PXDNL: variants seen among roughly 807,000 people sequenced by gnomAD.
PXDNL encodes probable oxidoreductase PXDNL.
Under a neutral mutation model 150.8 loss-of-function variants are expected in PXDNL, and 145 were observed. The observed-to-expected ratio is 0.96, with a 90% CI of 0.84 to 1.10. The LOEUF (loss-of-function observed/expected upper bound fraction) is 1.10. PXDNL is among the 50% of genes least tolerant of loss of function. The probability of loss-of-function intolerance (pLI) is 0.00; values close to 1 mark genes in which losing one functional copy is unlikely to be tolerated. For missense variants in PXDNL, 2,087 were observed against 1,873.9 expected (o/e 1.11, Z -2.10); for synonymous variants, 757 against 725.7 (o/e 1.04, Z -0.69).
At chr8:51,537,265 C>T (rs1157492852) in intron 4 of PXDNL, among the ~76,000 whole-genome samples, 1 of 152,204 alleles carries the variant, frequency 6.6e-6, no homozygotes, top group Admixed American at 6.5e-5. Flanking sequence ...GTGATTCTAA[C>T]ATGCTGCAGG....
intron 1 of PXDNL, among the ~76,000 whole-genome samples, chr8:51,733,892 G>T (rs1401942539): frequency 2.0e-5 from 3 of 147,762 alleles, no homozygotes; most frequent in African/African-American, 5.0e-5. Flanking sequence ...TACATATAAA[G>T]GAAAAAACAA....
At chr8:51,679,305 T>A (rs1238954605) in intron 1 of PXDNL, among the ~76,000 whole-genome samples, 6 of 152,162 alleles carry the variant, frequency 3.9e-5, no homozygotes, top group Non-Finnish European at 8.8e-5. Context: ...CTTATAGTAT[T>A]ATGACATCAG....
intron 17 of PXDNL, among the ~76,000 whole-genome samples, chr8:51,393,180 C>G (rs966831474): frequency 2.6e-5 from 4 of 152,162 alleles, no homozygotes; most frequent in African/African-American, 9.7e-5. Context: ...CTTTAATTTT[C>G]CTGAATTTTA....
intron 3 of PXDNL, among the ~76,000 whole-genome samples, chr8:51,574,587 C>T (rs1170489224): frequency 6.6e-6 from 1 of 151,868 alleles, no homozygotes; most frequent in East Asian, 1.9e-4. Context: ...GAGCCCTAAA[C>T]AGGGTAAACT....
rs1554557533 is a variant in PXDNL, at chr8:51,608,053, G to GC, written c.237-15356_237-15355insG. ...AGAAAGAAAGAAAGAAAGAAAGAAA[G>GC]AAAGCAAGCAAGCAAGCAAGCAAGC... On this transcript the variant is annotated intron_variant, in intron 2 of 22. Transcript: ENST00000356297. Among the ~76,000 whole-genome samples, 419 of 125,878 alleles carry GC rather than the reference G, an allele frequency of 3.3e-3. 1 individual carries two copies. Among genetic ancestry groups the GC allele is most frequent in the African/African-American group, 8.2e-3 (227 of 27,608 alleles). 82.6% of individuals were successfully genotyped at this position (125,878 alleles called of 152,430 possible).
chr8:51,453,566 T>C lies in PXDNL; in HGVS notation c.1202A>G (p.Asn401Ser), dbSNP rs758812742. ...AGCTTGAACAGTGCCGTGGCTATTG[T>C]TGGCATGACAGGTAAATCGACCATG... ...RDHGRFTCHANNSHGTVQAAA... is the reference protein window; with the variant it reads ...RDHGRFTCHASNSHGTVQAAA... Residue 401 changes from asparagine (N) to serine (S), a missense_variant, in exon 10 of 23, where the codon AAC becomes AGC. Transcript: ENST00000356297. 30 of 1,613,962 alleles carry C rather than the reference T, an allele frequency of 1.9e-5. No individual in the cohort carries two copies. The East Asian group carries it at 5.3e-4, about 29-fold the overall frequency.
At chr8:51,594,337 G>A (rs571064385) in intron 2 of PXDNL, among the ~76,000 whole-genome samples, 3 of 152,190 alleles carry the variant, frequency 2.0e-5, no homozygotes, top group South Asian at 4.1e-4. Context: ...ATCTTCCAAC[G>A]GTGGTGCCTA....
intron 17 of PXDNL, among the ~76,000 whole-genome samples, chr8:51,381,809 C>T (rs10098035): frequency 0.01 from 1,532 of 150,686 alleles, 23 homozygotes; most frequent in African/African-American, 0.035. Flanking sequence ...CCCGTCCCCA[C>T]GCCCAGCTAA....
chr8:51,358,759 C>G (rs1217316950), intron 19 of PXDNL, among the ~76,000 whole-genome samples: 4 of 152,150 alleles, frequency 2.6e-5, no homozygotes, highest in South Asian at 2.1e-4. Flanking sequence ...TCCCCTCCCC[C>G]ACAACCCCAG....
At chr8:51,379,721 ATTTC>A (rs1025790911) in intron 17 of PXDNL, among the ~76,000 whole-genome samples, 20 of 152,112 alleles carry the variant, frequency 1.3e-4, no homozygotes, top group African/African-American at 4.8e-4. Context: ...CTTACTAAAA[ATTTC>A]TTTCTTTCCC....
chr8:51,437,991 A>T (rs1809446987), intron 12 of PXDNL, among the ~76,000 whole-genome samples: 1 of 152,234 alleles, frequency 6.6e-6, no homozygotes. Context: ...TACACAAATC[A>T]GTAGCACTGG....
chr8:51,577,654 GA>G (rs1315886177), intron 3 of PXDNL, among the ~76,000 whole-genome samples: 1 of 147,772 alleles, frequency 6.8e-6, no homozygotes, highest in Non-Finnish European at 1.5e-5. Context: ...AATAAATAAG[GA>G]AAAAACCTTT....
At chr8:51,381,313 A>C (rs1010151609) in intron 17 of PXDNL, among the ~76,000 whole-genome samples, 1 of 152,198 alleles carries the variant, frequency 6.6e-6, no homozygotes, top group Admixed American at 6.5e-5. Context: ...TCTTTTGCCA[A>C]AGCATTTTGT....
chr8:51,769,691 C>T (rs2037271199), intron 1 of PXDNL, among the ~76,000 whole-genome samples: 1 of 152,236 alleles, frequency 6.6e-6, no homozygotes, highest in Non-Finnish European at 1.5e-5. Flanking sequence ...GCTCACCAAT[C>T]TTGACCTGCC....
intron 2 of PXDNL, among the ~76,000 whole-genome samples, chr8:51,622,483 C>A (rs1160091311): frequency 6.6e-6 from 1 of 152,186 alleles, no homozygotes; most frequent in African/African-American, 2.4e-5. Context: ...ATCTGCAATG[C>A]AACAATGTAT....
chr8:51,746,855 G>A (rs1025343054), intron 1 of PXDNL, among the ~76,000 whole-genome samples: 5 of 152,090 alleles, frequency 3.3e-5, no homozygotes, highest in African/African-American at 9.7e-5. Context: ...CCAAGTAGCT[G>A]GGACTACAGG....
At chr8:51,797,781 A>G (rs879245361) in intron 1 of PXDNL, among the ~76,000 whole-genome samples, 1 of 152,230 alleles carries the variant, frequency 6.6e-6, no homozygotes, top group Non-Finnish European at 1.5e-5. Context: ...TGCTATTCCC[A>G]TTAAACTACC....
At chr8:51,436,862 C>A (rs552532450) in intron 12 of PXDNL, among the ~76,000 whole-genome samples, 1 of 151,830 alleles carries the variant, frequency 6.6e-6, no homozygotes, top group South Asian at 2.1e-4. Context: ...AAGACCAGAG[C>A]AGAACTACAT....
At chr8:51,644,484 G>T (rs1814872229) in intron 2 of PXDNL, among the ~76,000 whole-genome samples, 1 of 146,948 alleles carries the variant, frequency 6.8e-6, no homozygotes, top group Admixed American at 6.9e-5. Flanking sequence ...TTTTGAGACG[G>T]AGTCTCGATC....
Sources: allele counts gnomAD v4.1 joint callset (sites outside exome capture counted in the v4.1 genomes callset), GRCh38; gene constraint gnomAD v4.1.1; transcripts MANE v1.5; gene names NCBI Gene and HGNC (gene_info 2026-07-23, HGNC 2026-07-21).